The following CTNNA2 variants were observed in gnomAD, a reference collection of about 807,000 sequenced individuals.
CTNNA2 encodes catenin alpha-2.
CTNNA2 carries 42 observed loss-of-function variants against 101.0 expected under a neutral mutation model. That is an observed-to-expected ratio of 0.42 (90% CI 0.32 to 0.54). The LOEUF is 0.54. CTNNA2 is among the 20% of genes least tolerant of loss of function. The pLI is 0.14. For missense variants in CTNNA2, 871 were observed against 1,223.1 expected, an observed-to-expected ratio of 0.71 and a Z score of 4.29; for synonymous variants, 450 against 456.4, an observed-to-expected ratio of 0.99 and a Z score of 0.18.
chr2:79,525,858 TATG>T (rs1297520345), intron 1 of CTNNA2, among the ~76,000 whole-genome samples: 3 of 152,016 alleles, frequency 2.0e-5, no homozygotes, highest in Admixed American at 6.6e-5. Flanking sequence ...GTAATACTAA[TATG>T]ATAAGTTTCA....
intron 4 of CTNNA2, among the ~76,000 whole-genome samples, chr2:79,454,722 C>T (rs1204024159): frequency 1.5e-5 from 1 of 68,800 alleles, no homozygotes; most frequent in East Asian, 4.5e-4. Context: ...AGAAATAATG[C>T]AGACTCATAA....
intron 7 of CTNNA2, among the ~76,000 whole-genome samples, chr2:80,333,770 C>A (rs551132448): frequency 1.3e-5 from 2 of 152,164 alleles, no homozygotes; most frequent in Non-Finnish European, 2.9e-5. Flanking sequence ...ATTGCAGGTG[C>A]GCACCATCAT....
chr2:79,597,787 T>G (rs1384477731), intron 1 of CTNNA2, among the ~76,000 whole-genome samples: 1 of 152,156 alleles, frequency 6.6e-6, no homozygotes, highest in Admixed American at 6.5e-5. Context: ...TGATGCCCTA[T>G]TATCATCCAA....
rs556119504 is a variant in CTNNA2, at chr2:80,625,600, CAG to C, written c.2574+6373_2574+6374del. On this transcript the variant is annotated intron_variant, in intron 18 of 18. Coordinates refer to ENST00000402739, the MANE Select transcript of CTNNA2 (RefSeq NM_001282597.3). ...CAACTAGTCTGTAAGCTAGTTATAA[CAG>C]GGAATATGTTTGAATGCTCATTTTT... Among the ~76,000 whole-genome samples the C allele has an allele frequency of 1.4e-4, 21 of 152,164 alleles. No individual in the cohort carries two copies. In the South Asian group the frequency reaches 4.1e-3, roughly 30 times the overall value.
At chr2:80,533,317 G>T (rs1054285470) in intron 9 of CTNNA2, among the ~76,000 whole-genome samples, 1 of 152,112 alleles carries the variant, frequency 6.6e-6, no homozygotes, top group African/African-American at 2.4e-5. Flanking sequence ...TTTAATTGGC[G>T]GAGGCATCCC....
chr2:80,100,693 T>C (rs1209215633), intron 7 of CTNNA2, among the ~76,000 whole-genome samples: 2 of 152,184 alleles, frequency 1.3e-5, no homozygotes, highest in African/African-American at 2.4e-5. Context: ...ATTCCAGGTG[T>C]TTGGTGCTTA....
At chr2:80,218,684 A>G (rs865985949) in intron 7 of CTNNA2, among the ~76,000 whole-genome samples, 26 of 152,190 alleles carry the variant, frequency 1.7e-4, no homozygotes, top group African/African-American at 6.0e-4. Context: ...TAGAAGACAT[A>G]ATGCATGTAA....
At chr2:80,016,402 T>C (rs1211206388) in intron 7 of CTNNA2, among the ~76,000 whole-genome samples, 1 of 152,108 alleles carries the variant, frequency 6.6e-6, no homozygotes, top group Non-Finnish European at 1.5e-5. Context: ...TTCTTGGCTA[T>C]GGAGACGAGG....
chr2:80,432,475 G>T (rs1681633006), intron 9 of CTNNA2, among the ~76,000 whole-genome samples: 3 of 152,124 alleles, frequency 2.0e-5, no homozygotes, highest in Admixed American at 2.0e-4. Flanking sequence ...CTCCTATTTA[G>T]ACATTCTGGA....
intron 3 of CTNNA2, among the ~76,000 whole-genome samples, chr2:79,824,472 C>T (rs1378701183): frequency 7.0e-6 from 1 of 142,312 alleles, no homozygotes; most frequent in Non-Finnish European, 1.5e-5. Flanking sequence ...AGAACCACGT[C>T]TTGTATTTCC....
intron 1 of CTNNA2, among the ~76,000 whole-genome samples, chr2:79,615,625 G>A (rs560271019): frequency 3.9e-5 from 6 of 152,260 alleles, no homozygotes; most frequent in East Asian, 1.9e-4. Context: ...AGTTTTGCTC[G>A]TTTGGTATTT....
intron 7 of CTNNA2, among the ~76,000 whole-genome samples, chr2:80,124,040 G>A (rs1018171933): frequency 7.2e-5 from 11 of 152,190 alleles, no homozygotes; most frequent in African/African-American, 2.7e-4. Flanking sequence ...AGGCAAGGAA[G>A]CAGGGTTGCT....
At chr2:80,596,352 A>C (rs1696977226) in intron 15 of CTNNA2, among the ~76,000 whole-genome samples, 1 of 107,440 alleles carries the variant, frequency 9.3e-6, no homozygotes, top group Admixed American at 1.5e-4. Flanking sequence ...CTCTGTTGCC[A>C]AGGCTGGAGT....
At chr2:79,950,503 C>CT (rs1688806526) in intron 7 of CTNNA2, among the ~76,000 whole-genome samples, 1 of 152,174 alleles carries the variant, frequency 6.6e-6, no homozygotes, top group African/African-American at 2.4e-5. Context: ...ACATATCTGA[C>CT]TTTACGGCAG....
intron 2 of CTNNA2, among the ~76,000 whole-genome samples, chr2:79,708,654 G>A (rs940872432): frequency 1.3e-5 from 2 of 150,790 alleles, no homozygotes; most frequent in Non-Finnish European, 2.9e-5. Flanking sequence ...TTCATATACT[G>A]TAATTTTTAT....
intron 7 of CTNNA2, among the ~76,000 whole-genome samples, chr2:80,035,455 G>A (rs1180938147): frequency 6.6e-6 from 1 of 152,072 alleles, no homozygotes; most frequent in Non-Finnish European, 1.5e-5. Context: ...CTACTCTAAG[G>A]GGCTCTGCCT....
At chr2:80,153,649 C>G (rs559510088) in intron 7 of CTNNA2, among the ~76,000 whole-genome samples, 2 of 152,248 alleles carry the variant, frequency 1.3e-5, no homozygotes, top group South Asian at 2.1e-4. Flanking sequence ...ATAGATGAGG[C>G]TTTATAGCAA....
At chr2:80,641,586 CTAT>C (rs1196346422) in intron 18 of CTNNA2, among the ~76,000 whole-genome samples, 4 of 152,012 alleles carry the variant, frequency 2.6e-5, no homozygotes, top group African/African-American at 7.2e-5. Flanking sequence ...TTTGACAATA[CTAT>C]TATTTGTTTT....
intron 6 of CTNNA2, among the ~76,000 whole-genome samples, chr2:79,902,064 G>T (rs952158123): frequency 6.6e-6 from 1 of 152,192 alleles, no homozygotes; most frequent in Admixed American, 6.5e-5. Flanking sequence ...TAGCATTTTA[G>T]AGGTTTTATT....
Sources: gnomAD v4.1 joint callset for allele counts (sites outside exome capture counted in the v4.1 genomes callset) on GRCh38, gnomAD v4.1.1 for gene constraint, MANE v1.5 for transcripts, NCBI Gene and HGNC (gene_info 2026-07-23, HGNC 2026-07-21) for gene names.